The following SYT1 variants were observed in gnomAD, a reference collection of about 807,000 sequenced individuals.
SYT1 encodes synaptotagmin-1.
A neutral mutation model predicts 44.8 loss-of-function variants in SYT1; 8 were observed. That is an observed-to-expected ratio of 0.18 (90% confidence interval 0.10 to 0.32). The LOEUF is 0.32. SYT1 is among the 10% of genes least tolerant of loss of function. SYT1 has a pLI of 1.00. For synonymous variants in SYT1, 154 were observed against 188.8 expected (o/e 0.82, Z 1.51); for missense variants, 286 against 509.3 (o/e 0.56, Z 4.22).
At chr12:79,098,252 C>T (rs1274455653) in intron 3 of SYT1, among the ~76,000 whole-genome samples, 4 of 152,050 alleles carry the variant, frequency 2.6e-5, no homozygotes, top group Non-Finnish European at 5.9e-5. Flanking sequence ...ACTTCTTCCA[C>T]GACACTGTCA....
chr12:79,336,394 A>C (rs1398225186), intron 8 of SYT1, among the ~76,000 whole-genome samples: 1 of 152,206 alleles, frequency 6.6e-6, no homozygotes, highest in Non-Finnish European at 1.5e-5. Context: ...TAAAATAGAC[A>C]AATTGGCACT....
At chr12:79,142,240 A>C (rs1014416173) in intron 3 of SYT1, among the ~76,000 whole-genome samples, 1 of 152,240 alleles carries the variant, frequency 6.6e-6, no homozygotes, top group Non-Finnish European at 1.5e-5. Flanking sequence ...AAAATTCCAA[A>C]GCGAGGGATC....
intron 4 of SYT1, among the ~76,000 whole-genome samples, chr12:79,254,981 A>T (rs1877435594): frequency 6.6e-6 from 1 of 152,242 alleles, no homozygotes; most frequent in African/African-American, 2.4e-5. Context: ...TACTATGAAC[A>T]TTATTGAAAT....
intron 2 of SYT1, among the ~76,000 whole-genome samples, chr12:78,995,508 A>T (rs535952448): frequency 6.6e-6 from 1 of 152,326 alleles, no homozygotes; most frequent in South Asian, 2.1e-4. Flanking sequence ...ATCTTTGTAA[A>T]GATGTAATCA....
intron 3 of SYT1, among the ~76,000 whole-genome samples, chr12:79,154,424 A>G (rs1870467120): frequency 6.6e-6 from 1 of 151,368 alleles, no homozygotes; most frequent in Non-Finnish European, 1.5e-5. Context: ...TTTTTAATAA[A>G]TGAGGGATCT....
chr12:79,125,720 T>C (rs1868397930), intron 3 of SYT1, among the ~76,000 whole-genome samples: 1 of 152,136 alleles, frequency 6.6e-6, no homozygotes, highest in African/African-American at 2.4e-5. Flanking sequence ...CTTTGACTGC[T>C]CTAATATCAA....
At chr12:79,291,441 G>T (rs1879575960) in intron 5 of SYT1, among the ~76,000 whole-genome samples, 1 of 152,104 alleles carries the variant, frequency 6.6e-6, no homozygotes, top group Non-Finnish European at 1.5e-5. Flanking sequence ...CGGATTTGCT[G>T]GTGGTATGTT....
Position 79,332,665 on chromosome 12 carries a change from G to T in SYT1, c.811-20837G>T, listed in dbSNP as rs1395132585. ...AAAGTATGAGTTTAATGTAGATATT[G>T]TGGGAGGTATTCCCTTGTCATCTTT... On this transcript the variant is annotated intron_variant, in intron 8 of 10. Transcript: ENST00000261205. Among the ~76,000 whole-genome samples, 3 of 152,208 alleles carry T rather than the reference G, an allele frequency of 2.0e-5. No individual in the cohort carries two copies. In the East Asian group the frequency reaches 5.8e-4, roughly 29 times the overall value.
In SYT1 at chr12:78,987,299, A is replaced by G. The variant is rs527841279; in HGVS notation, c.-84+9368A>G. Among the ~76,000 whole-genome samples, 5 of 152,150 alleles carry G rather than the reference A, an allele frequency of 3.3e-5. No individual in the cohort carries two copies. In the East Asian group the frequency reaches 9.7e-4, roughly 29 times the overall value. The stretch of plus-strand genomic sequence containing the variant: ...TTCATCAAGTACACTTTAATTCAAA[A>G]TGGTGTGTGTTTTCTAGACAAAAAG... On this transcript the variant is annotated intron_variant, in intron 2 of 10. Coordinates refer to ENST00000261205, the MANE Select transcript of SYT1 (RefSeq NM_005639.3).
chr12:79,066,161 A>G (rs1365987875), intron 3 of SYT1, among the ~76,000 whole-genome samples: 1 of 152,128 alleles, frequency 6.6e-6, no homozygotes, highest in Admixed American at 6.6e-5. Flanking sequence ...CACATTTGAC[A>G]CATGCTCACA....
intron 1 of SYT1, among the ~76,000 whole-genome samples, chr12:78,921,128 T>C (rs1029704400): frequency 5.9e-5 from 9 of 152,118 alleles, no homozygotes; most frequent in Admixed American, 3.9e-4. Flanking sequence ...TACAGTTGTA[T>C]AGTGTGATTA....
intron 9 of SYT1, among the ~76,000 whole-genome samples, chr12:79,388,903 C>A (rs1289249707): frequency 2.0e-5 from 3 of 152,198 alleles, no homozygotes; most frequent in Admixed American, 1.3e-4. Context: ...CCCTCTTTGT[C>A]TAAGCCTGTG....
At chr12:79,002,380 TC>T (rs1870799376) in intron 2 of SYT1, among the ~76,000 whole-genome samples, 2 of 152,112 alleles carry the variant, frequency 1.3e-5, no homozygotes, top group South Asian at 4.1e-4. Context: ...TGAAATTTCC[TC>T]AGTAGGAGGA....
chr12:79,167,575 T>G lies in SYT1; in HGVS notation c.-17-49928T>G, dbSNP rs181816067. On this transcript the variant is annotated intron_variant, in intron 3 of 10. Transcript: ENST00000261205. ...AAATATCAAATGACTTACCCTAGAA[T>G]GTATTACTGAAACTTATTAAGCCTA... is the stretch of plus-strand genomic sequence containing the variant. Among the ~76,000 whole-genome samples the G allele has an allele frequency of 2.3e-4, 35 of 152,140 alleles. No homozygotes were observed. The East Asian group carries it at 6.0e-3, about 26-fold the overall frequency.
chr12:78,946,212 T>A (rs1414314612), intron 1 of SYT1, among the ~76,000 whole-genome samples: 2 of 152,202 alleles, frequency 1.3e-5, no homozygotes, highest in Non-Finnish European at 2.9e-5. Flanking sequence ...TCTCTTCCAA[T>A]GAGGGAACAG....
chr12:79,308,001 G>T (rs1205967050), intron 8 of SYT1, among the ~76,000 whole-genome samples: 2 of 152,214 alleles, frequency 1.3e-5, no homozygotes, highest in Admixed American at 6.5e-5. Context: ...CATGGGCTGA[G>T]ACGTTTGGAA....
intron 9 of SYT1, among the ~76,000 whole-genome samples, chr12:79,428,926 G>A (rs186441766): frequency 1.1e-4 from 16 of 152,288 alleles, no homozygotes; most frequent in Admixed American, 8.5e-4. Flanking sequence ...TGTAGTAGAA[G>A]AAAGGGAGCA....
chr12:79,106,711 G>GA (rs1031733799), intron 3 of SYT1, among the ~76,000 whole-genome samples: 149 of 141,086 alleles, frequency 1.1e-3, no homozygotes, highest in East Asian at 1.6e-3. Flanking sequence ...CTTTCCATAT[G>GA]AAAAAAAAAA....
intron 3 of SYT1, among the ~76,000 whole-genome samples, chr12:79,120,847 T>G (rs1033657266): frequency 1.4e-4 from 21 of 151,960 alleles, no homozygotes; most frequent in Non-Finnish European, 2.9e-5. Flanking sequence ...GTGACTTTAA[T>G]GATGGCACAG....
Sources: gnomAD v4.1 joint callset for allele counts (sites outside exome capture counted in the v4.1 genomes callset) on GRCh38, gnomAD v4.1.1 for gene constraint, MANE v1.5 for transcripts, NCBI Gene and HGNC (gene_info 2026-07-23, HGNC 2026-07-21) for gene names.